Variants in DEFB116 observed in about 807,000 individuals in gnomAD.
The protein encoded by DEFB116 is beta-defensin 116.
In DEFB116, 5 loss-of-function variants were observed where a neutral mutation model predicts 2.8. That is an observed-to-expected ratio of 1.80 (90% CI 0.94 to 3.79). The LOEUF (loss-of-function observed/expected upper bound fraction) is 3.79. Among genes scored for constraint, DEFB116 ranks in the 30% most tolerant of loss-of-function variants. The pLI is 0.00. For missense variants in DEFB116, 170 were observed against 118.0 expected (o/e 1.44, Z -2.04); for synonymous variants, 56 against 40.8 (o/e 1.37, Z -1.42).
intron 1 of DEFB116, among the ~76,000 whole-genome samples, chr20:31,304,030 C>A (rs1291511010): frequency 6.6e-6 from 1 of 152,150 alleles, no homozygotes; most frequent in Non-Finnish European, 1.5e-5. Flanking sequence ...GAAACAGGTA[C>A]TGTGCATACA....
intron 1 of DEFB116, among the ~76,000 whole-genome samples, chr20:31,304,651 C>T (rs1013317467): frequency 6.6e-6 from 1 of 152,056 alleles, no homozygotes; most frequent in African/African-American, 2.4e-5. Flanking sequence ...TGCATCATGT[C>T]TACACACACA....
At chr20:31,306,324 A>G (rs1984989695) in intron 1 of DEFB116, among the ~76,000 whole-genome samples, 1 of 152,170 alleles carries the variant, frequency 6.6e-6, no homozygotes, top group Admixed American at 6.6e-5. Flanking sequence ...GCTTTCAAAC[A>G]GTTTAATTTC....
chr20:31,305,113 A>G (rs926346184), intron 1 of DEFB116, among the ~76,000 whole-genome samples: 2 of 152,096 alleles, frequency 1.3e-5, no homozygotes, highest in African/African-American at 4.8e-5. Flanking sequence ...AGGAGGTTGA[A>G]AATGATACTG....
intron 1 of DEFB116, among the ~76,000 whole-genome samples, chr20:31,304,587 C>T (rs1984951113): frequency 6.6e-6 from 1 of 152,068 alleles, no homozygotes; most frequent in African/African-American, 2.4e-5. Context: ...ATGCTCTTTT[C>T]TCTCTGTGTC....
At chr20:31,304,133 C>T (rs1451439577) in intron 1 of DEFB116, among the ~76,000 whole-genome samples, 4 of 152,098 alleles carry the variant, frequency 2.6e-5, no homozygotes, top group Non-Finnish European at 4.4e-5. Flanking sequence ...CATGTGCTCA[C>T]TGTACAAACC....
At chr20:31,304,228 G>A (rs986967695) in intron 1 of DEFB116, among the ~76,000 whole-genome samples, 1 of 152,046 alleles carries the variant, frequency 6.6e-6, no homozygotes, top group Non-Finnish European at 1.5e-5. Flanking sequence ...GTGAACATAA[G>A]CTCTTTGCCT....
Position 31,308,577 on chromosome 20 carries a change from G to A in DEFB116, c.9C>T (p.Val3=). MS[V]MKPCLMTIAI... ...CAATGGTCATTAAACAGGGCTTCAT[G>A]ACTGACATGTTCCACCAGAATGAAG... The change falls in exon 1 of 2, where the codon GTC becomes GTT. Residue 3 remains valine, a synonymous_variant. Transcript: ENST00000400549. 6.2e-7 allele frequency: 1 copy of A among 1,613,414 alleles called. No homozygotes were observed. Among genetic ancestry groups the A allele is most frequent in the Non-Finnish European group, 8.5e-7 (1 of 1,179,464 alleles).
intron 1 of DEFB116, among the ~76,000 whole-genome samples, chr20:31,306,546 C>A (rs548179944): frequency 2.6e-5 from 4 of 152,154 alleles, no homozygotes; most frequent in South Asian, 4.1e-4. Flanking sequence ...CTTGTGTTTT[C>A]TACCACCATT....
rs145804392 is a variant in DEFB116, at chr20:31,303,680, G to C, written c.68-227C>G. 1.8e-4 allele frequency among the ~76,000 whole-genome samples: 27 copies of C among 152,224 alleles called. 1 individual carries two copies. The highest frequency in any genetic ancestry group is 6.0e-4 in the African/African-American group (25 of 41,556). Reference sequence around the variant, plus strand: ...CATCTTCACAACAGGCAAAATAATAGAGCCAAGTTCCTAAGGTTTTAGTAA... The same window carrying C: ...CATCTTCACAACAGGCAAAATAATACAGCCAAGTTCCTAAGGTTTTAGTAA... On this transcript the variant is annotated intron_variant, in intron 1 of 1. Coordinates refer to ENST00000400549, the MANE Select transcript of DEFB116 (RefSeq NM_001037731.1).
chr20:31,306,679 A>G (rs566278035), intron 1 of DEFB116, among the ~76,000 whole-genome samples: 2 of 152,254 alleles, frequency 1.3e-5, no homozygotes, highest in South Asian at 4.1e-4. Context: ...AAAAGAGAGG[A>G]GGAAAAGAAG....
Position 31,303,341 on chromosome 20 carries a change from G to C in DEFB116, c.180C>G (p.Thr60=), listed in dbSNP as rs777334692. 6.2e-7 allele frequency: 1 copy of C among 1,613,596 alleles called. No individual in the cohort carries two copies. Among genetic ancestry groups the C allele is most frequent in the South Asian group, 1.1e-5 (1 of 91,078 alleles). The change falls in exon 2 of 2, where the codon ACC becomes ACG. Residue 60 remains threonine (T), a synonymous_variant. Transcript: ENST00000400549. The part of the protein sequence containing the change: ...ACREYEIQYL[T]CPNDQKCCLK... ...GGCAGCACTTTTGATCATTTGGGCA[G>C]GTTAAGTATTGGATTTCATATTCTC...
chr20:31,307,848 A>C (rs1985028347), intron 1 of DEFB116, among the ~76,000 whole-genome samples: 1 of 151,962 alleles, frequency 6.6e-6, no homozygotes, highest in Non-Finnish European at 1.5e-5. Context: ...CTACAACTCA[A>C]GCCCTACCTC....
At chr20:31,307,626 A>G (rs1041099346) in intron 1 of DEFB116, among the ~76,000 whole-genome samples, 4 of 152,054 alleles carry the variant, frequency 2.6e-5, no homozygotes, top group Non-Finnish European at 2.9e-5. Context: ...AAATGAAGAA[A>G]CAACCTATGG....
Position 31,303,410 on chromosome 20 carries a change from C to T in DEFB116, c.111G>A (p.Trp37Ter). ...TGCCTTGGTAAAGCTCACATGGATT[C>T]CAAGGCTCTCGGCTCTTGCCATTGT... ...RSHNGKSREP[W>*]NPCELYQGMC... Residue 37 changes from tryptophan to a stop codon, truncating the protein, a stop_gained, in exon 2 of 2, where the codon TGG (tryptophan) becomes TGA (stop). Transcript: ENST00000400549. LOFTEE classifies it low-confidence loss of function (END_TRUNC). 6.2e-7 allele frequency: 1 copy of T among 1,613,482 alleles called. No individual in the cohort carries two copies. Among genetic ancestry groups the T allele is most frequent in the African/African-American group, 1.3e-5 (1 of 74,984 alleles).
At chr20:31,304,092 C>T (rs749154866) in intron 1 of DEFB116, among the ~76,000 whole-genome samples, 17 of 152,120 alleles carry the variant, frequency 1.1e-4, no homozygotes, top group Non-Finnish European at 2.1e-4. Flanking sequence ...CCACTTTATT[C>T]ACAGATCCAC....
At chr20:31,307,233 C>A (rs1985010711) in intron 1 of DEFB116, among the ~76,000 whole-genome samples, 1 of 152,042 alleles carries the variant, frequency 6.6e-6, no homozygotes, top group African/African-American at 2.4e-5. Flanking sequence ...AAATCCACTC[C>A]CTTGGTAATT....
chr20:31,305,363 C>T (rs1161536048), intron 1 of DEFB116, among the ~76,000 whole-genome samples: 2 of 152,030 alleles, frequency 1.3e-5, no homozygotes, highest in East Asian at 3.9e-4. Flanking sequence ...TTCCTGTCTG[C>T]AGTCACTGGA....
chr20:31,308,373 C>T (rs6121354), intron 1 of DEFB116, 146 bp downstream of exon 1: 1 of 708,576 alleles, frequency 1.4e-6, no homozygotes, highest in Non-Finnish European at 2.5e-6. Context: ...TGAAATTAAC[C>T]TTGGGAATAA....
chr20:31,303,915 G>T (rs1192571706), intron 1 of DEFB116, among the ~76,000 whole-genome samples: 1 of 152,094 alleles, frequency 6.6e-6, no homozygotes, highest in Non-Finnish European at 1.5e-5. Flanking sequence ...TCTACTCTCA[G>T]ATAGCACACA....
Sources: gnomAD v4.1 joint callset for allele counts (sites outside exome capture counted in the v4.1 genomes callset) on GRCh38, gnomAD v4.1.1 for gene constraint, MANE v1.5 for transcripts, NCBI Gene and HGNC (gene_info 2026-07-23, HGNC 2026-07-21) for gene names.